TENM2: variants seen among roughly 807,000 people sequenced by gnomAD.
TENM2 encodes teneurin transmembrane protein 2, also known as teneurin-2.
TENM2 carries 52 observed loss-of-function variants against 245.2 expected under a neutral mutation model. The ratio of observed to expected loss-of-function variants is 0.21; its 90% confidence interval spans 0.17 to 0.27. TENM2 has a LOEUF of 0.27. TENM2 is among the 10% of genes least tolerant of loss of function. TENM2 has a pLI of 1.00. For synonymous variants in TENM2, 1,363 were observed against 1,438.9 expected (o/e 0.95, Z 1.19); for missense variants, 3,046 against 3,666.8 (o/e 0.83, Z 4.37).
intron 2 of TENM2, among the ~76,000 whole-genome samples, chr5:167,661,036 A>G (rs1332383707): frequency 6.6e-6 from 1 of 152,236 alleles, no homozygotes; most frequent in African/African-American, 2.4e-5. Context: ...TTTTAAGTCA[A>G]GCATTCAGAA....
chr5:167,606,156 T>G (rs1193568735), intron 2 of TENM2, among the ~76,000 whole-genome samples: 5 of 152,176 alleles, frequency 3.3e-5, no homozygotes, highest in African/African-American at 1.2e-4. Context: ...CATCTGTGTT[T>G]GCACTCCTTT....
chr5:167,548,407 A>G (rs1434402959), intron 2 of TENM2, among the ~76,000 whole-genome samples: 1 of 152,166 alleles, frequency 6.6e-6, no homozygotes, highest in Non-Finnish European at 1.5e-5. Context: ...AGCTCCCTGT[A>G]CATTTTTTTT....
At chr5:168,082,070 A>T (rs1792053377) in intron 7 of TENM2, among the ~76,000 whole-genome samples, 1 of 152,174 alleles carries the variant, frequency 6.6e-6, no homozygotes, top group Non-Finnish European at 1.5e-5. Flanking sequence ...AGGCACACCA[A>T]TCAGACGTAG....
intron 2 of TENM2, among the ~76,000 whole-genome samples, chr5:167,846,868 G>A (rs551641193): frequency 7.2e-5 from 11 of 152,306 alleles, no homozygotes; most frequent in African/African-American, 2.4e-4. Flanking sequence ...ATATTCCAAA[G>A]ATCGTTGTGC....
rs1242476460 is a variant in TENM2, at chr5:167,336,817, A to AT, written c.227-38378dup. Among the ~76,000 whole-genome samples, 13 of 140,294 alleles carry AT rather than the reference A, an allele frequency of 9.3e-5. 1 individual carries two copies. The highest frequency in any genetic ancestry group is 2.5e-4 in the African/African-American group (10 of 39,742). The allele number at this position is 140,294 out of a possible 152,430, so 92.0% of individuals were successfully genotyped here. A position where few individuals can be genotyped will look rare whatever the true frequency, so the allele number is the denominator to read the frequency against. On this transcript the variant is annotated intron_variant, in intron 1 of 28. Transcript: ENST00000518659. ...CTCAATGAGTAAATATAATGCAAAT[A>AT]TTTAAAAAAAAAAAAATCGGCCGGG...
intron 2 of TENM2, among the ~76,000 whole-genome samples, chr5:167,715,491 A>G (rs149662497): frequency 3.9e-5 from 6 of 152,334 alleles, no homozygotes; most frequent in Admixed American, 3.9e-4. Flanking sequence ...GAATTAAAAT[A>G]TCATTTTCAA....
intron 1 of TENM2, among the ~76,000 whole-genome samples, chr5:167,325,046 C>G (rs1757003070): frequency 2.6e-5 from 4 of 152,056 alleles, no homozygotes; most frequent in African/African-American, 9.7e-5. Context: ...GTGTTCATTC[C>G]CCTTCCACCT....
intron 2 of TENM2, among the ~76,000 whole-genome samples, chr5:167,417,212 C>G (rs1184284340): frequency 6.6e-6 from 1 of 152,148 alleles, no homozygotes; most frequent in Non-Finnish European, 1.5e-5. Flanking sequence ...AGCTCACTAG[C>G]ACTCTTATCT....
chr5:167,869,821 G>C (rs1021219483), intron 2 of TENM2, among the ~76,000 whole-genome samples: 8 of 151,828 alleles, frequency 5.3e-5, no homozygotes, highest in African/African-American at 1.9e-4. Context: ...GGTCTTAATG[G>C]CAAGGAGAAC....
At chr5:167,552,627 C>G (rs1199086096) in intron 2 of TENM2, among the ~76,000 whole-genome samples, 3 of 152,206 alleles carry the variant, frequency 2.0e-5, no homozygotes, top group African/African-American at 7.2e-5. Context: ...CAATGCCCAT[C>G]AGCACTGGAG....
the TENM2 span, among the ~76,000 whole-genome samples, chr5:167,000,055 G>C: frequency 6.6e-6 from 1 of 152,140 alleles, no homozygotes; most frequent in Non-Finnish European, 1.5e-5. Context: ...CTGTGATTGT[G>C]TTAGATGCTG....
chr5:167,173,050 T>C, the TENM2 span, among the ~76,000 whole-genome samples: 1 of 152,196 alleles, frequency 6.6e-6, no homozygotes, highest in Middle Eastern at 3.2e-3. Flanking sequence ...AAAATATACA[T>C]GTGAACTGTC....
intron 25 of TENM2, among the ~76,000 whole-genome samples, chr5:168,241,278 CAG>C (rs923652516): frequency 3.3e-5 from 5 of 150,578 alleles, no homozygotes; most frequent in African/African-American, 1.2e-4. Flanking sequence ...TTTTTTGAAA[CAG>C]AGTCTCACTC....
chr5:167,792,385 T>C (rs1190790697), intron 2 of TENM2, among the ~76,000 whole-genome samples: 2 of 152,004 alleles, frequency 1.3e-5, no homozygotes, highest in Non-Finnish European at 2.9e-5. Flanking sequence ...GTGGCACATT[T>C]TGGGAGGAGA....
chr5:167,396,305 A>G (rs1038435916), intron 2 of TENM2, among the ~76,000 whole-genome samples: 4 of 152,160 alleles, frequency 2.6e-5, no homozygotes, highest in African/African-American at 9.6e-5. Context: ...CTGCCATATG[A>G]TACAACATGG....
chr5:167,869,667 G>A lies in TENM2; in HGVS notation c.503-6319G>A, dbSNP rs753841620. ...TCGCAGCTTCTGCACTAGCAGGCCT[G>A]GCTGCCATGACCCAGTGCTCCCTCA... On this transcript the variant is annotated intron_variant, in intron 2 of 28. Coordinates refer to ENST00000518659, the Ensembl canonical transcript of TENM2. Among the ~76,000 whole-genome samples the A allele has an allele frequency of 1.1e-3, 169 of 152,322 alleles. 2 individuals are homozygous for A. Among genetic ancestry groups the A allele is most frequent in the Non-Finnish European group, 7.1e-4 (48 of 68,018 alleles).
chr5:167,865,890 A>G (rs895440286), intron 2 of TENM2, among the ~76,000 whole-genome samples: 5 of 152,258 alleles, frequency 3.3e-5, no homozygotes, highest in African/African-American at 7.2e-5. Context: ...AGTGAATGCC[A>G]TGAGTAGTTG....
the TENM2 span, among the ~76,000 whole-genome samples, chr5:167,139,282 CTTCACTGAT>C: frequency 6.6e-6 from 1 of 152,320 alleles, no homozygotes; most frequent in South Asian, 2.1e-4. Flanking sequence ...TCAACATTTC[CTTCACTGAT>C]ACATAGAAGA....
intron 4 of TENM2, among the ~76,000 whole-genome samples, chr5:167,989,298 G>T (rs200897344): frequency 0.14 from 20,293 of 147,454 alleles, 1,564 homozygotes; most frequent in East Asian, 0.27. Flanking sequence ...GAGAGAGAGA[G>T]AGATAGATAG....
Sources: allele counts gnomAD v4.1 joint callset (sites outside exome capture counted in the v4.1 genomes callset), GRCh38; gene constraint gnomAD v4.1.1; transcripts MANE v1.5; gene names NCBI Gene and HGNC (gene_info 2026-07-23, HGNC 2026-07-21).